The following SLC35F3 variants were observed in gnomAD, a reference collection of about 807,000 sequenced individuals.
SLC35F3 encodes solute carrier family 35 member F3.
In SLC35F3, 25 loss-of-function variants were observed where a neutral mutation model predicts 49.9. The observed-to-expected ratio is 0.50, with a 90% CI of 0.37 to 0.70. The LOEUF (loss-of-function observed/expected upper bound fraction) is 0.70, where lower values mean the gene tolerates loss of function less well. Ranked by LOEUF, SLC35F3 falls within the 30% of genes least tolerant of loss-of-function variation. The pLI, the probability that SLC35F3 is intolerant of heterozygous loss-of-function variation, is 0.00. For synonymous variants in SLC35F3, 275 were observed against 265.4 expected, an observed-to-expected ratio of 1.04 and a Z score of -0.35; for missense variants, 525 against 639.8, an observed-to-expected ratio of 0.82 and a Z score of 1.94.
Position 234,316,679 on chromosome 1 carries a change from C to A in SLC35F3, c.906C>A (p.Ile302=). 1.2e-6 allele frequency: 2 copies of A among 1,613,340 alleles called. No homozygotes were observed. The highest frequency in any genetic ancestry group is 1.7e-6 in the Non-Finnish European group (2 of 1,179,256). ...ATGGCTTCCACAGCCACTCCGTCAT[C>A]GGCATCGCACTGGTGGTGGCCTCAG... is the stretch of plus-strand genomic sequence containing the variant. The part of the protein sequence containing the change: ...YADGFHSHSV[I]GIALVVASAS... The change falls in exon 5 of 8, where the codon ATC becomes ATA. Residue 302 remains isoleucine, a synonymous_variant. Transcript: ENST00000366618.
intron 2 of SLC35F3, among the ~76,000 whole-genome samples, chr1:234,085,551 T>C (rs531110248): frequency 2.0e-5 from 3 of 152,342 alleles, no homozygotes; most frequent in African/African-American, 7.2e-5. Flanking sequence ...GCAATCAATC[T>C]TGAGATGTAA....
intron 2 of SLC35F3, among the ~76,000 whole-genome samples, chr1:234,098,225 G>T (rs1665155786): frequency 6.6e-6 from 1 of 150,758 alleles, no homozygotes; most frequent in South Asian, 2.1e-4. Flanking sequence ...GGTAGTGACG[G>T]TGTCATAGGG....
At chr1:234,299,475 C>A (rs763062704) in intron 3 of SLC35F3, among the ~76,000 whole-genome samples, 38 of 152,048 alleles carry the variant, frequency 2.5e-4, no homozygotes, top group Admixed American at 7.2e-4. Flanking sequence ...CATTCAGAGC[C>A]CTACAATTTT....
chr1:233,988,191 T>C (rs1289005293), intron 2 of SLC35F3, among the ~76,000 whole-genome samples: 1 of 152,200 alleles, frequency 6.6e-6, no homozygotes, highest in Non-Finnish European at 1.5e-5. Flanking sequence ...AGGGATCAGA[T>C]GGTTTCATTA....
intron 2 of SLC35F3, among the ~76,000 whole-genome samples, chr1:234,203,364 G>C (rs1228990829): frequency 6.6e-6 from 1 of 152,080 alleles, no homozygotes; most frequent in Non-Finnish European, 1.5e-5. Flanking sequence ...ATTCTCATTT[G>C]TACCTGTTTA....
intron 2 of SLC35F3, among the ~76,000 whole-genome samples, chr1:233,982,974 G>A (rs1193387908): frequency 6.6e-6 from 1 of 152,178 alleles, no homozygotes; most frequent in African/African-American, 2.4e-5. Context: ...GAAAGAGCAG[G>A]ATATGACCAG....
chr1:234,291,657 G>A (rs1003206427), intron 3 of SLC35F3, among the ~76,000 whole-genome samples: 1 of 152,086 alleles, frequency 6.6e-6, no homozygotes, highest in African/African-American at 2.4e-5. Flanking sequence ...TCGAACTCCT[G>A]GGCTCAAGTG....
chr1:234,097,562 G>A (rs1336465835), intron 2 of SLC35F3, among the ~76,000 whole-genome samples: 1 of 152,004 alleles, frequency 6.6e-6, no homozygotes, highest in Non-Finnish European at 1.5e-5. Flanking sequence ...ACGCACACAC[G>A]CACATTATTT....
intron 2 of SLC35F3, among the ~76,000 whole-genome samples, chr1:234,190,968 G>C (rs1394408759): frequency 6.6e-6 from 1 of 152,244 alleles, no homozygotes; most frequent in African/African-American, 2.4e-5. Context: ...AAAAGAAAAG[G>C]GCTCCCTGCT....
intron 2 of SLC35F3, among the ~76,000 whole-genome samples, chr1:233,950,635 T>C (rs1024918731): frequency 6.6e-6 from 1 of 150,736 alleles, no homozygotes; most frequent in Non-Finnish European, 1.5e-5. Flanking sequence ...TCTCCCTCCA[T>C]ATGTTGAGTG....
chr1:234,297,293 T>C (rs1668618702), intron 3 of SLC35F3, among the ~76,000 whole-genome samples: 1 of 152,184 alleles, frequency 6.6e-6, no homozygotes, highest in African/African-American at 2.4e-5. Context: ...AGAAATCCCG[T>C]TACTGGGTAT....
rs188591481 is a variant in SLC35F3 at position 233,936,844 on chromosome 1, A to G, written c.283+31086A>G. On this transcript the variant is annotated intron_variant, in intron 2 of 7. Coordinates refer to ENST00000366618, the MANE Select transcript of SLC35F3 (RefSeq NM_173508.4). ...CCTGGGACTGCAGGTGTGTGCCACC[A>G]TGCTGGGCTGATTTTTCAGAAATGT... Among the ~76,000 whole-genome samples, 1,064 of 152,154 alleles carry G rather than the reference A, an allele frequency of 7.0e-3. 9 individuals carry two copies. Among genetic ancestry groups the G allele is most frequent in the Non-Finnish European group, 8.6e-3 (584 of 68,000 alleles).
chr1:234,123,405 T>C (rs1665603901), intron 2 of SLC35F3, among the ~76,000 whole-genome samples: 1 of 150,682 alleles, frequency 6.6e-6, no homozygotes, highest in African/African-American at 2.5e-5. Flanking sequence ...GTGTTAAGCA[T>C]GTTTTGTTTT....
chr1:233,948,546 C>CTT (rs199796352), intron 2 of SLC35F3, among the ~76,000 whole-genome samples: 1 of 143,670 alleles, frequency 7.0e-6, no homozygotes, highest in Admixed American at 6.9e-5. Flanking sequence ...TAAGGCGTTT[C>CTT]TTTTTTTTTT....
intron 2 of SLC35F3, among the ~76,000 whole-genome samples, chr1:234,047,504 C>A (rs75295150): frequency 6.6e-6 from 1 of 152,202 alleles, no homozygotes; most frequent in Non-Finnish European, 1.5e-5. Flanking sequence ...TTTCTTCCTG[C>A]CTTCAGATTA....
In SLC35F3 at chr1:233,943,079, T is replaced by C. The variant is rs143409752; in HGVS notation, c.283+37321T>C. Among the ~76,000 whole-genome samples, 3 of 152,362 alleles carry C rather than the reference T, an allele frequency of 2.0e-5. No individual in the cohort carries two copies. In the East Asian group the frequency reaches 5.8e-4, roughly 29 times the overall value. On this transcript the variant is annotated intron_variant, in intron 2 of 7. Transcript: ENST00000366618. ...AGATATGAAACCAACCCAGTGTTCA[T>C]TGACAAATGAATGGAGGCTAGATTT...
chr1:234,034,855 A>G (rs552148741), intron 2 of SLC35F3, among the ~76,000 whole-genome samples: 30 of 152,296 alleles, frequency 2.0e-4, no homozygotes, highest in African/African-American at 7.0e-4. Flanking sequence ...AAGGTATGTC[A>G]TGAGTAACCT....
chr1:234,122,827 C>T (rs1306315949), intron 2 of SLC35F3, among the ~76,000 whole-genome samples: 1 of 152,192 alleles, frequency 6.6e-6, no homozygotes, highest in Non-Finnish European at 1.5e-5. Flanking sequence ...TATAGTATTC[C>T]ATGGTGTATA....
chr1:233,927,690 A>T (rs191234574), intron 2 of SLC35F3, among the ~76,000 whole-genome samples: 40 of 152,262 alleles, frequency 2.6e-4, no homozygotes, highest in Admixed American at 7.2e-4. Context: ...AAATAACTGA[A>T]TTTCCATTCT....
Sources: allele counts gnomAD v4.1 joint callset (sites outside exome capture counted in the v4.1 genomes callset), GRCh38; gene constraint gnomAD v4.1.1; transcripts MANE v1.5; gene names NCBI Gene and HGNC (gene_info 2026-07-23, HGNC 2026-07-21).